The following ATRN variants were observed in gnomAD, a reference collection of about 807,000 sequenced individuals.
ATRN encodes the protein attractin, also known as attractin-2.
ATRN carries 54 observed loss-of-function variants against 178.7 expected under a neutral mutation model. The ratio of observed to expected loss-of-function variants is 0.30; its 90% CI spans 0.24 to 0.38. The LOEUF is 0.38. ATRN is among the 10% of genes least tolerant of loss of function. ATRN has a pLI of 1.00. For missense variants in ATRN, 1,443 were observed against 1,815.1 expected (o/e 0.79, Z 3.73); for synonymous variants, 636 against 663.0 (o/e 0.96, Z 0.63).
intron 1 of ATRN, among the ~76,000 whole-genome samples, chr20:3,516,390 C>T (rs547618362): frequency 6.6e-6 from 1 of 152,022 alleles, no homozygotes; most frequent in Non-Finnish European, 1.5e-5. Flanking sequence ...TGCAGCTTAC[C>T]AAGGTGCCAT....
At chr20:3,487,940 C>G (rs1333082893) in intron 1 of ATRN, among the ~76,000 whole-genome samples, 1 of 152,272 alleles carries the variant, frequency 6.6e-6, no homozygotes, top group South Asian at 2.1e-4. Flanking sequence ...GAAGGGCTCT[C>G]GGTTCCAATT....
At chr20:3,548,790 G>A (rs1379107300) in intron 5 of ATRN, among the ~76,000 whole-genome samples, 3 of 152,076 alleles carry the variant, frequency 2.0e-5, no homozygotes, top group Middle Eastern at 3.2e-3. Context: ...GAGCATCTGT[G>A]GATTTTGGTA....
chr20:3,564,307 G>C (rs1270179894), intron 10 of ATRN, among the ~76,000 whole-genome samples: 2 of 152,208 alleles, frequency 1.3e-5, no homozygotes, highest in Non-Finnish European at 2.9e-5. Flanking sequence ...ATGGAGGGTA[G>C]AGTGATAAAC....
intron 24 of ATRN, among the ~76,000 whole-genome samples, chr20:3,619,764 A>G (rs189015724): frequency 4.5e-4 from 69 of 152,252 alleles, no homozygotes; most frequent in African/African-American, 1.6e-3. Context: ...ACATACAGAA[A>G]CCTCAGGGCT....
chr20:3,534,987 T>C (rs1250284967), intron 1 of ATRN, among the ~76,000 whole-genome samples: 1 of 152,152 alleles, frequency 6.6e-6, no homozygotes, highest in Admixed American at 6.5e-5. Context: ...GATTTAGGTA[T>C]GTTTTGTTCA....
chr20:3,571,342 A>C (rs1396009739), intron 11 of ATRN, among the ~76,000 whole-genome samples: 1 of 152,234 alleles, frequency 6.6e-6, no homozygotes, highest in Non-Finnish European at 1.5e-5. Context: ...TTAATGCTGT[A>C]GTGAATAGCC....
intron 1 of ATRN, among the ~76,000 whole-genome samples, chr20:3,511,419 G>A (rs1446540792): frequency 1.3e-5 from 2 of 151,818 alleles, no homozygotes; most frequent in African/African-American, 2.4e-5. Flanking sequence ...GACAAAATCA[G>A]GAGGATTTTT....
At chr20:3,493,164 T>A (rs980994708) in intron 1 of ATRN, among the ~76,000 whole-genome samples, 6 of 149,042 alleles carry the variant, frequency 4.0e-5, no homozygotes, top group Admixed American at 6.8e-5. Context: ...TTAAAAAAAA[T>A]TTTTTTAGAG....
At position 3,578,378 on chromosome 20, in the gene ATRN, G is replaced by A. The variant is rs574130497; in HGVS notation, c.2354-204G>A. 5.9e-5 allele frequency among the ~76,000 whole-genome samples: 9 copies of A among 152,202 alleles called. No individual in the cohort carries two copies. In the South Asian group the frequency reaches 8.3e-4, roughly 14 times the overall value. ...CCTCAGAATATGCTTTTTAGGATCC[G>A]GGAGATATCACCAGTAAACATTTTA... On this transcript the variant is annotated intron_variant, in intron 14 of 28. Transcript: ENST00000262919.
chr20:3,490,552 T>C, intron 1 of ATRN: 1 of 1,103,192 alleles, frequency 9.1e-7, no homozygotes, highest in African/African-American at 1.5e-5. Context: ...ATCCAGCTTC[T>C]CAGATGCCTT....
intron 11 of ATRN, among the ~76,000 whole-genome samples, chr20:3,566,980 A>AGAG (rs1213660889): frequency 6.6e-6 from 1 of 151,920 alleles, no homozygotes; most frequent in Non-Finnish European, 1.5e-5. Flanking sequence ...AGTTGAGACA[A>AGAG]TTTAGGAACT....
chr20:3,525,088 C>A (rs2085346510), intron 1 of ATRN, among the ~76,000 whole-genome samples: 1 of 152,062 alleles, frequency 6.6e-6, no homozygotes, highest in Non-Finnish European at 1.5e-5. Flanking sequence ...ACATGAAAAA[C>A]CCTTCAAAAA....
intron 1 of ATRN, among the ~76,000 whole-genome samples, chr20:3,515,714 T>G (rs2053775686): frequency 6.6e-6 from 1 of 151,792 alleles, no homozygotes; most frequent in African/African-American, 2.4e-5. Context: ...CAGAAGGGGG[T>G]TTGTTTTTTT....
intron 1 of ATRN, among the ~76,000 whole-genome samples, chr20:3,510,314 C>T (rs553741226): frequency 1.6e-4 from 25 of 152,120 alleles, no homozygotes; most frequent in Non-Finnish European, 2.9e-4. Flanking sequence ...ATATTGTTGG[C>T]TTTGTCTGTG....
intron 24 of ATRN, among the ~76,000 whole-genome samples, chr20:3,606,181 T>G (rs1435195335): frequency 6.6e-6 from 1 of 152,188 alleles, no homozygotes; most frequent in Non-Finnish European, 1.5e-5. Flanking sequence ...TTTTCTCTTG[T>G]CTAGTCACAC....
At chr20:3,562,148 A>G in intron 8 of ATRN, 128 bp from the exon 9 acceptor site, 1 of 772,128 alleles carries the variant, frequency 1.3e-6, no homozygotes, top group Non-Finnish European at 2.1e-6. Flanking sequence ...TCTTTAAAAT[A>G]TAAAGATAAA....
intron 18 of ATRN, among the ~76,000 whole-genome samples, chr20:3,589,521 T>G (rs142376767): frequency 3.9e-4 from 59 of 152,320 alleles, no homozygotes; most frequent in Middle Eastern, 6.8e-3. Flanking sequence ...TTTTTCATTC[T>G]CTCATATTTC....
At chr20:3,556,413 A>G (rs1026261003) in intron 6 of ATRN, among the ~76,000 whole-genome samples, 5 of 152,164 alleles carry the variant, frequency 3.3e-5, no homozygotes, top group African/African-American at 1.2e-4. Context: ...GTTCTGTGCT[A>G]TCTGCTGTCT....
chr20:3,511,448 T>A (rs183100851), intron 1 of ATRN, among the ~76,000 whole-genome samples: 8 of 152,094 alleles, frequency 5.3e-5, no homozygotes, highest in South Asian at 4.2e-4. Flanking sequence ...GTTTTTTTTT[T>A]AATATAAGCT....
Sources: gnomAD v4.1 joint callset for allele counts (sites outside exome capture counted in the v4.1 genomes callset) on GRCh38, gnomAD v4.1.1 for gene constraint, MANE v1.5 for transcripts, NCBI Gene and HGNC (gene_info 2026-07-23, HGNC 2026-07-21) for gene names.